KDM2A: variants seen among roughly 807,000 people sequenced by gnomAD.
The protein encoded by KDM2A is lysine-specific demethylase 2A.
In KDM2A, 3 loss-of-function variants were observed where a neutral mutation model predicts 137.3. That is an observed-to-expected ratio of 0.02 (90% CI 0.01 to 0.06). The LOEUF (loss-of-function observed/expected upper bound fraction) is 0.06. Ranked by LOEUF, KDM2A falls within the 10% of genes least tolerant of loss-of-function variation. The probability of loss-of-function intolerance (pLI) is 1.00; values close to 1 mark genes in which losing one functional copy is unlikely to be tolerated. For synonymous variants in KDM2A, 512 were observed against 541.5 expected, an observed-to-expected ratio of 0.95 and a Z score of 0.76; for missense variants, 738 against 1,510.6, an observed-to-expected ratio of 0.49 and a Z score of 8.48.
At chr11:67,191,367 C>T (rs1565396413) in intron 5 of KDM2A, among the ~76,000 whole-genome samples, 1 of 152,146 alleles carries the variant, frequency 6.6e-6, no homozygotes, top group Non-Finnish European at 1.5e-5. Flanking sequence ...CAGCATTACC[C>T]TGATACCAAA....
intron 2 of KDM2A, among the ~76,000 whole-genome samples, chr11:67,153,667 C>T (rs955294435): frequency 1.3e-5 from 2 of 151,926 alleles, no homozygotes; most frequent in Admixed American, 6.6e-5. Flanking sequence ...AAAATGTTTA[C>T]GGATAAACCA....
At chr11:67,145,988 G>T (rs73493541) in intron 2 of KDM2A, among the ~76,000 whole-genome samples, 9,275 of 131,298 alleles carry the variant, frequency 0.071, 491 homozygotes, top group African/African-American at 0.15. Context: ...TTTTTGTTTT[G>T]TTTTTTTTTG....
At chr11:67,217,263 A>G (rs1432548908) in intron 8 of KDM2A, among the ~76,000 whole-genome samples, 4 of 151,056 alleles carry the variant, frequency 2.6e-5, no homozygotes, top group African/African-American at 9.7e-5. Flanking sequence ...AAAAAAAAAA[A>G]GTCTTAATCA....
intron 5 of KDM2A, among the ~76,000 whole-genome samples, chr11:67,202,427 CTT>C (rs1857651335): frequency 6.6e-6 from 1 of 152,118 alleles, no homozygotes; most frequent in Non-Finnish European, 1.5e-5. Flanking sequence ...AGAGAAGTCT[CTT>C]TGTGAAAGGA....
intron 2 of KDM2A, among the ~76,000 whole-genome samples, chr11:67,136,608 T>C (rs1333824544): frequency 1.3e-5 from 2 of 152,174 alleles, no homozygotes; most frequent in Admixed American, 1.3e-4. Flanking sequence ...GATTGAGTGA[T>C]CAGTGAAAGG....
At chr11:67,120,228 G>A (rs1337983949) in intron 1 of KDM2A, among the ~76,000 whole-genome samples, 179 bp downstream of exon 1, 1 of 152,218 alleles carries the variant, frequency 6.6e-6, no homozygotes, top group African/African-American at 2.4e-5. Flanking sequence ...ATGCCCAGGC[G>A]GTCGTCGCCC....
chr11:67,185,652 A>T (rs1390404359), intron 5 of KDM2A, among the ~76,000 whole-genome samples: 1 of 151,672 alleles, frequency 6.6e-6, no homozygotes, highest in Non-Finnish European at 1.5e-5. Flanking sequence ...AAAAAAAAAA[A>T]GTTATCCCTT....
intron 5 of KDM2A, among the ~76,000 whole-genome samples, chr11:67,194,660 T>C (rs1201032367): frequency 5.3e-5 from 8 of 152,216 alleles, no homozygotes; most frequent in Non-Finnish European, 7.3e-5. Flanking sequence ...CAGTGCTGCT[T>C]ACCTGCCTCT....
At chr11:67,227,403 G>A (rs1435899143) in intron 10 of KDM2A, among the ~76,000 whole-genome samples, 1 of 151,786 alleles carries the variant, frequency 6.6e-6, no homozygotes, top group Non-Finnish European at 1.5e-5. Flanking sequence ...TGATTCAGGG[G>A]CAAATATAGT....
chr11:67,218,597 TTTTATTTATTTA>T (rs368358428), intron 9 of KDM2A, among the ~76,000 whole-genome samples: 1 of 151,826 alleles, frequency 6.6e-6, no homozygotes, highest in African/African-American at 2.4e-5. Context: ...GTATATTTTA[TTTTATTTATTTA>T]TTTATTTATT....
rs1304409869 is a variant in KDM2A, at chr11:67,247,063, ATATATATATTTT to A, written c.1965+949_1965+960del. Among the ~76,000 whole-genome samples, 31 of 25,018 alleles carry A rather than the reference ATATATATATTTT, an allele frequency of 1.2e-3. No individual in the cohort carries two copies. In the East Asian group the frequency reaches 0.018, roughly 14 times the overall value. The allele number at this position is 25,018 out of a possible 152,430, so 16.4% of individuals were successfully genotyped here. A position where few individuals can be genotyped will look rare whatever the true frequency, so the allele number is the denominator to read the frequency against. ...TATATATATATATATATATATATAT[ATATATATATTTT>A]TTTTTTTTTTTTTTTTTTTTTTTTT... On this transcript the variant is annotated intron_variant, in intron 15 of 20. Transcript: ENST00000529006.
intron 12 of KDM2A, among the ~76,000 whole-genome samples, chr11:67,239,446 G>A (rs969595373): frequency 2.6e-5 from 4 of 152,226 alleles, no homozygotes; most frequent in African/African-American, 9.6e-5. Context: ...AATATTGGCT[G>A]ACATGGGCCA....
intron 2 of KDM2A, among the ~76,000 whole-genome samples, chr11:67,177,775 T>G (rs1184119562): frequency 6.6e-6 from 1 of 152,100 alleles, no homozygotes; most frequent in Non-Finnish European, 1.5e-5. Context: ...CATAAACCGG[T>G]ACACAGTCAT....
In KDM2A at chr11:67,245,561, AAAGGTTTAT is replaced by A; in HGVS notation, c.1833+105_1833+113del. 1 of 1,291,458 alleles carries A rather than the reference AAAGGTTTAT, an allele frequency of 7.7e-7. No individual in the cohort carries two copies. 80.0% of individuals were successfully genotyped at this position (1,291,458 alleles called of 1,614,324 possible). A position where few individuals can be genotyped will look rare whatever the true frequency, so the allele number is the denominator to read the frequency against. ...TAAAGAGACTTCAGAGTTGGAAAGA[AAAGGTTTAT>A]ACTCTCTTTTTGGCTTTATTTTGTA... On this transcript the variant is annotated intron_variant, in intron 14 of 20. Transcript: ENST00000529006. This position sits in a 1 kb window ranked among gnomAD's most constrained non-coding sequence, Gnocchi z 4.1.
At chr11:67,126,102 C>T (rs1382896727) in intron 2 of KDM2A, among the ~76,000 whole-genome samples, 2 of 149,460 alleles carry the variant, frequency 1.3e-5, no homozygotes, top group African/African-American at 4.9e-5. Flanking sequence ...CAAAATTAGC[C>T]GAACGTGGTG....
At chr11:67,187,296 C>T (rs947919316) in intron 5 of KDM2A, among the ~76,000 whole-genome samples, 2 of 152,016 alleles carry the variant, frequency 1.3e-5, no homozygotes, top group Admixed American at 1.3e-4. Flanking sequence ...GAAGTATGTT[C>T]CTCCTTACAA....
chr11:67,124,827 ACAT>A (rs925846710), intron 2 of KDM2A, among the ~76,000 whole-genome samples: 23 of 151,664 alleles, frequency 1.5e-4, no homozygotes, highest in East Asian at 7.7e-4. Context: ...GTAAGAGGAC[ACAT>A]CATCTATTTG....
chr11:67,146,575 C>G (rs1365134308), intron 2 of KDM2A, among the ~76,000 whole-genome samples: 1 of 152,098 alleles, frequency 6.6e-6, no homozygotes, highest in Non-Finnish European at 1.5e-5. Context: ...GTGGCATAAT[C>G]TAGGTTCACT....
intron 3 of KDM2A, among the ~76,000 whole-genome samples, chr11:67,181,083 GAA>G (rs1275152647): frequency 6.6e-6 from 1 of 151,596 alleles, no homozygotes; most frequent in Admixed American, 6.6e-5. Flanking sequence ...ATTTCCTGTG[GAA>G]ATTTAGACTT....
Sources: allele counts gnomAD v4.1 joint callset (sites outside exome capture counted in the v4.1 genomes callset), GRCh38; gene constraint gnomAD v4.1.1; non-coding constraint Gnocchi (gnomAD v3.1); transcripts MANE v1.5; gene names NCBI Gene and HGNC (gene_info 2026-07-23, HGNC 2026-07-21).